SKP2: variants seen among roughly 807,000 people sequenced by gnomAD.
SKP2 encodes the protein S-phase kinase associated protein 2.
In SKP2, 16 loss-of-function variants were observed where a neutral mutation model predicts 51.8. The observed-to-expected ratio is 0.31, with a 90% CI of 0.21 to 0.47. SKP2 has a LOEUF of 0.47. Ranked by LOEUF, SKP2 falls within the 20% of genes least tolerant of loss-of-function variation. The probability of loss-of-function intolerance (pLI) is 1.00; values close to 1 mark genes in which losing one functional copy is unlikely to be tolerated. For synonymous variants in SKP2, 176 were observed against 198.6 expected (o/e 0.89, Z 0.96); for missense variants, 377 against 505.3 (o/e 0.75, Z 2.43).
chr5:36,189,411 G>A (rs1373095472), intron 6 of SKP2, among the ~76,000 whole-genome samples: 1 of 152,106 alleles, frequency 6.6e-6, no homozygotes, highest in African/African-American at 2.4e-5. Context: ...TGGTGTGGAT[G>A]TCCTTTCTGT....
At chr5:36,186,905 T>C (rs928034090), downstream of SKP2, among the ~76,000 whole-genome samples, 8 of 152,222 alleles carry the variant, frequency 5.3e-5, no homozygotes, top group African/African-American at 1.9e-4. Flanking sequence ...CTATTAATTA[T>C]TGCCTCAGTT....
downstream of SKP2, chr5:36,184,430 C>G (rs152366): frequency 0.92 from 140,705 of 152,218 alleles, 65,517 homozygotes; most frequent in Non-Finnish European, 0.98. Flanking sequence ...CCCCATGACA[C>G]GTCCTGGTGT....
chr5:36,162,926 G>A (rs986623237), intron 2 of SKP2, among the ~76,000 whole-genome samples: 1 of 152,112 alleles, frequency 6.6e-6, no homozygotes, highest in African/African-American at 2.4e-5. Context: ...AAAGGGGTCG[G>A]GGAAGCCACT....
intron 7 of SKP2, among the ~76,000 whole-genome samples, chr5:36,173,260 A>G (rs1745530223): frequency 1.3e-5 from 2 of 152,154 alleles, no homozygotes; most frequent in Admixed American, 1.3e-4. Context: ...CTCTCCTATA[A>G]ACAATTTTAT....
At chr5:36,162,098 A>G (rs996222268) in intron 2 of SKP2, among the ~76,000 whole-genome samples, 6 of 152,158 alleles carry the variant, frequency 3.9e-5, no homozygotes, top group African/African-American at 1.4e-4. Context: ...TAAACACAGC[A>G]GCCAGAGTGA....
chr5:36,180,072 C>G, intron 9 of SKP2: 2 of 394,312 alleles, frequency 5.1e-6, no homozygotes, highest in South Asian at 4.0e-5. Flanking sequence ...CACCAAATCT[C>G]TTTCCCAATG....
At chr5:36,160,287 T>C (rs374638033) in intron 2 of SKP2, among the ~76,000 whole-genome samples, 1 of 152,188 alleles carries the variant, frequency 6.6e-6, no homozygotes, top group Non-Finnish European at 1.5e-5. Context: ...TCTCAACATA[T>C]TAGATTCAAA....
At chr5:36,180,233 C>T in intron 9 of SKP2, 6 of 1,339,570 alleles carry the variant, frequency 4.5e-6, no homozygotes, top group Non-Finnish European at 5.9e-6. Flanking sequence ...ATAGTAATTA[C>T]AACGTTTCCC....
chr5:36,179,874 T>G (rs764976654), intron 9 of SKP2, among the ~76,000 whole-genome samples: 4 of 151,734 alleles, frequency 2.6e-5, no homozygotes, highest in Non-Finnish European at 5.9e-5. Flanking sequence ...TGCTTGCAAA[T>G]TTTTTATTCT....
chr5:36,177,740 T>C (rs1055562503), intron 9 of SKP2, among the ~76,000 whole-genome samples: 9 of 151,910 alleles, frequency 5.9e-5, no homozygotes, highest in Non-Finnish European at 1.3e-4. Context: ...AAGTCCTGGA[T>C]AGTGAAGAAA....
chr5:36,173,780 TA>T (rs1345882030), intron 7 of SKP2, among the ~76,000 whole-genome samples: 1 of 152,126 alleles, frequency 6.6e-6, no homozygotes, highest in East Asian at 1.9e-4. Context: ...ACCATGGGGA[TA>T]AAAAGTTTTT....
At chr5:36,154,961 T>C (rs997368010) in intron 2 of SKP2, among the ~76,000 whole-genome samples, 2 of 152,196 alleles carry the variant, frequency 1.3e-5, no homozygotes, top group African/African-American at 2.4e-5. Context: ...AGAGTCTAAA[T>C]TGAAATCAGG....
intron 6 of SKP2, among the ~76,000 whole-genome samples, chr5:36,171,330 T>C (rs1247353684): frequency 6.6e-6 from 1 of 152,292 alleles, no homozygotes. Flanking sequence ...CATTTCTACC[T>C]GCAGTACTGG....
intron 6 of SKP2, 49 bp from the exon 7 acceptor site, chr5:36,171,554 T>G (rs1047389912): frequency 6.3e-7 from 1 of 1,579,780 alleles, no homozygotes; most frequent in Non-Finnish European, 8.7e-7. Flanking sequence ...GGCAAACTCA[T>G]TCCCGTGTGA....
Position 36,174,820 on chromosome 5 carries a change from A to G in SKP2, c.902-2145A>G, listed in dbSNP as rs556861757. ...AAGAAGGAATCCATATGCATATGTG[A>G]GAGAAGAACATTCAAGAACAAAGGA... On this transcript the variant is annotated intron_variant, in intron 7 of 9. Coordinates refer to ENST00000274255, the MANE Select transcript of SKP2 (RefSeq NM_005983.4). 3.9e-5 allele frequency among the ~76,000 whole-genome samples: 6 copies of G among 152,244 alleles called. No homozygotes were observed. The East Asian group carries it at 1.2e-3, about 29-fold the overall frequency.
intron 9 of SKP2, among the ~76,000 whole-genome samples, chr5:36,181,194 T>G (rs1242515786): frequency 6.6e-6 from 1 of 152,182 alleles, no homozygotes; most frequent in Admixed American, 6.5e-5. Flanking sequence ...TTACCTCCTA[T>G]AAAGGGTGTG....
At chr5:36,190,550 C>G (rs969139436) in intron 6 of SKP2, among the ~76,000 whole-genome samples, 3 of 152,026 alleles carry the variant, frequency 2.0e-5, no homozygotes, top group Admixed American at 6.6e-5. Flanking sequence ...TGCCCAGAGG[C>G]CTTCCAGGAA....
intron 4 of SKP2, among the ~76,000 whole-genome samples, chr5:36,167,432 C>G (rs899697260): frequency 6.6e-6 from 1 of 152,168 alleles, no homozygotes; most frequent in African/African-American, 2.4e-5. Context: ...TTTTTCAAAT[C>G]CAAATGCTGT....
intron 6 of SKP2, among the ~76,000 whole-genome samples, chr5:36,189,919 G>A (rs1275854238): frequency 2.0e-5 from 3 of 152,166 alleles, no homozygotes; most frequent in Admixed American, 1.3e-4. Flanking sequence ...CTCAGCAATG[G>A]CAGGCACCCC....
Sources: allele counts gnomAD v4.1 joint callset (sites outside exome capture counted in the v4.1 genomes callset), GRCh38; gene constraint gnomAD v4.1.1; transcripts MANE v1.5; gene names NCBI Gene and HGNC (gene_info 2026-07-23, HGNC 2026-07-21).